The following TARBP1 variants were observed in gnomAD, a reference collection of about 807,000 sequenced individuals.
The protein encoded by TARBP1 is tRNA guanosine 2 -O-methyltransferase TARBP1.
TARBP1 carries 144 observed loss-of-function variants against 178.6 expected under a neutral mutation model. That is an observed-to-expected ratio of 0.81 (90% CI 0.70 to 0.93). The LOEUF (loss-of-function observed/expected upper bound fraction) is 0.93, where lower values mean the gene tolerates loss of function less well. Ranked by LOEUF, TARBP1 falls within the 40% of genes least tolerant of loss-of-function variation. TARBP1 has a pLI of 0.00. For missense variants in TARBP1, 2,067 were observed against 2,011.7 expected (o/e 1.03, Z -0.53); for synonymous variants, 787 against 781.0 (o/e 1.01, Z -0.13).
At chr1:234,444,287 G>C (rs148199431) in intron 12 of TARBP1, among the ~76,000 whole-genome samples, 1 of 152,294 alleles carries the variant, frequency 6.6e-6, no homozygotes, top group East Asian at 1.9e-4. Flanking sequence ...GCAGTATACT[G>C]AAGGCTCATA....
At chr1:234,416,398 G>A (rs1045080350) in intron 22 of TARBP1, among the ~76,000 whole-genome samples, 1 of 152,156 alleles carries the variant, frequency 6.6e-6, no homozygotes, top group Admixed American at 6.5e-5. Context: ...CTGGGTTCAA[G>A]CTATTCTCCT....
In TARBP1 at chr1:234,472,507, GA is replaced by G. The variant is rs1558261934; in HGVS notation, c.1029+206del. Among the ~76,000 whole-genome samples the G allele has an allele frequency of 3.3e-5, 5 of 151,984 alleles. No individual in the cohort carries two copies. In the South Asian group the frequency reaches 8.3e-4, roughly 25 times the overall value. ...AATGGCAAGGGAAGATCAAATTTTT[GA>G]ATAATTTGTCAACTGAAAGTATTCT... On this transcript the variant is annotated intron_variant, in intron 2 of 29. Transcript: ENST00000040877.
chr1:234,460,288 A>AG lies in TARBP1; in HGVS notation c.1507dup (p.Leu503ProfsTer49). The stretch of plus-strand genomic sequence containing the variant: ...GAGAGCAAGAAGCCCATCTATACCC[A>AG]GGGCCTTATGTCTTGGGACATTTGC... On this transcript the variant is annotated frameshift_variant, in exon 7 of 30. Transcript: ENST00000040877. LOFTEE classifies it high-confidence loss of function. 6.2e-7 allele frequency: 1 copy of AG among 1,614,196 alleles called. No individual in the cohort carries two copies. The highest frequency in any genetic ancestry group is 8.5e-7 in the Non-Finnish European group (1 of 1,180,034).
intron 4 of TARBP1, among the ~76,000 whole-genome samples, chr1:234,466,978 T>A (rs1018155482): frequency 3.3e-5 from 5 of 152,198 alleles, no homozygotes; most frequent in Admixed American, 2.0e-4. Context: ...CATGACACCA[T>A]AATATAAAAC....
At chr1:234,405,143 T>C (rs541384952) in intron 24 of TARBP1, among the ~76,000 whole-genome samples, 1 of 152,316 alleles carries the variant, frequency 6.6e-6, no homozygotes, top group South Asian at 2.1e-4. Flanking sequence ...TATAAATTAG[T>C]GGGTGCTTTT....
At chr1:234,452,883 A>G (rs12735527) in intron 9 of TARBP1, among the ~76,000 whole-genome samples, 2 of 138,714 alleles carry the variant, frequency 1.4e-5, no homozygotes, top group African/African-American at 5.3e-5. Flanking sequence ...GCACTAAAAA[A>G]AAAAAAATGA....
intron 24 of TARBP1, among the ~76,000 whole-genome samples, chr1:234,402,748 TTTA>T (rs1347317828): frequency 6.6e-6 from 1 of 151,988 alleles, no homozygotes; most frequent in Non-Finnish European, 1.5e-5. Flanking sequence ...CTAACTTTTT[TTTA>T]TTATTATTAT....
chr1:234,459,293 C>A lies in TARBP1; in HGVS notation c.1569G>T (p.Gln523His). Reference sequence around the variant, plus strand: ...ATTGGGCTGCCCCTCTCAGGAGAATCTGATGTGTGATCATAGTGCAATGAA... The same window carrying A: ...ATTGGGCTGCCCCTCTCAGGAGAATATGATGTGTGATCATAGTGCAATGAA... ...DVIHCTMITH[Q>H]ILLRGAAQCY... is the part of the protein sequence containing the mutation. The change falls in exon 8 of 30, where the codon CAG (glutamine) becomes CAT (histidine). Residue 523 changes from glutamine (Q) to histidine (H), a missense_variant. Gln to His is a conservative substitution (Grantham distance 24, BLOSUM62 0). Coordinates refer to ENST00000040877, the MANE Select transcript of TARBP1 (RefSeq NM_005646.4). 2.5e-6 allele frequency: 4 copies of A among 1,613,428 alleles called. No homozygotes were observed. The highest frequency in any genetic ancestry group is 3.4e-6 in the Non-Finnish European group (4 of 1,179,770).
At chr1:234,463,712 C>G (rs1318845753) in intron 6 of TARBP1, 125 bp downstream of exon 6, 1 of 520,948 alleles carries the variant, frequency 1.9e-6, no homozygotes, top group African/African-American at 2.0e-5. Context: ...TATGCATATC[C>G]TGGAAAAGGA....
At chr1:234,410,631 G>T in intron 22 of TARBP1, 100 bp from the exon 23 acceptor site, 1 of 717,168 alleles carries the variant, frequency 1.4e-6, no homozygotes, top group Non-Finnish European at 2.4e-6. Context: ...CAGGACAGGA[G>T]GCAGCCTCTT....
intron 22 of TARBP1, among the ~76,000 whole-genome samples, chr1:234,411,745 A>G (rs1377584988): frequency 6.6e-6 from 1 of 152,202 alleles, no homozygotes; most frequent in Non-Finnish European, 1.5e-5. Flanking sequence ...ATTCCAGTTG[A>G]AAAAGACTGT....
chr1:234,450,336 C>T (rs892943485), intron 10 of TARBP1, 92 bp downstream of exon 10: 16 of 976,084 alleles, frequency 1.6e-5, no homozygotes, highest in South Asian at 1.0e-4. Flanking sequence ...TCATATATTT[C>T]GTAAAGCCTA....
intron 1 of TARBP1, among the ~76,000 whole-genome samples, chr1:234,474,283 CACACAA>C (rs1392771487): frequency 2.3e-5 from 3 of 131,840 alleles, no homozygotes; most frequent in Non-Finnish European, 3.3e-5. Flanking sequence ...CACACACACA[CACACAA>C]AGGGGACATT....
intron 20 of TARBP1, among the ~76,000 whole-genome samples, chr1:234,421,860 A>C (rs547415156): frequency 3.3e-5 from 5 of 152,344 alleles, no homozygotes; most frequent in Non-Finnish European, 7.4e-5. Context: ...ATTTTCACAT[A>C]GTGTAGATGA....
At position 234,467,494 on chromosome 1, in the gene TARBP1, G is replaced by A; in HGVS notation, c.1248+8C>T. ...ATGGGAGCAAGGAAGGGGACAGGGT[G>A]TCATTACCTCAGAAAATTCTGGTGA... is the stretch of plus-strand genomic sequence containing the variant. On this transcript the variant is annotated splice_region_variant and intron_variant, in intron 4 of 29. Transcript: ENST00000040877. 3 of 1,578,676 alleles carry A rather than the reference G, an allele frequency of 1.9e-6. No individual in the cohort carries two copies. Among genetic ancestry groups the A allele is most frequent in the Admixed American group, 1.9e-5 (1 of 52,862 alleles).
intron 21 of TARBP1, 133 bp downstream of exon 21, chr1:234,420,569 A>G: frequency 2.0e-6 from 1 of 504,316 alleles, no homozygotes; most frequent in Non-Finnish European, 3.2e-6. Flanking sequence ...AATAACTTCA[A>G]TTTTAAGAAC....
intron 12 of TARBP1, among the ~76,000 whole-genome samples, chr1:234,439,427 A>G (rs1665367384): frequency 6.6e-6 from 1 of 152,216 alleles, no homozygotes; most frequent in Non-Finnish European, 1.5e-5. Context: ...TGTACAAAGT[A>G]TATGTACTGC....
At position 234,446,928 on chromosome 1, in the gene TARBP1, A is replaced by AGAG. The variant is rs1268326855; in HGVS notation, c.2006_2008dup (p.Pro669dup). ...ACTAAACTTCATAAGCACATCCAGA[A>AGAG]GAGGGTCTAAGAATATCCGCAATAC... On this transcript the variant is annotated inframe_insertion, in exon 12 of 30. Transcript: ENST00000040877. The AGAG allele has an allele frequency of 1.2e-6, 2 of 1,613,932 alleles. No individual in the cohort carries two copies. The highest frequency in any genetic ancestry group is 1.7e-6 in the Non-Finnish European group (2 of 1,179,886).
At chr1:234,455,892 CAAT>C (rs1667222748) in intron 9 of TARBP1, among the ~76,000 whole-genome samples, 1 of 151,414 alleles carries the variant, frequency 6.6e-6, no homozygotes, top group Non-Finnish European at 1.5e-5. Flanking sequence ...GGGGAAAGGA[CAAT>C]AATAGACAAT....
Sources: gnomAD v4.1 joint callset for allele counts (sites outside exome capture counted in the v4.1 genomes callset) on GRCh38, gnomAD v4.1.1 for gene constraint, MANE v1.5 for transcripts, NCBI Gene and HGNC (gene_info 2026-07-23, HGNC 2026-07-21) for gene names.